The following MOXD1 variants were observed in gnomAD, a reference collection of about 807,000 sequenced individuals.
MOXD1 encodes monooxygenase DBH like 1, also known as DBH-like monooxygenase protein 1.
A neutral mutation model predicts 66.6 loss-of-function variants in MOXD1; 62 were observed. The ratio of observed to expected loss-of-function variants is 0.93; its 90% CI spans 0.76 to 1.15. MOXD1 has a LOEUF of 1.15. Ranked by LOEUF, MOXD1 falls within the 50% of genes most tolerant of loss-of-function variation. The probability of loss-of-function intolerance (pLI) is 0.00; values close to 1 mark genes in which losing one functional copy is unlikely to be tolerated. For missense variants in MOXD1, 847 were observed against 754.6 expected (o/e 1.12, Z -1.44); for synonymous variants, 303 against 281.9 (o/e 1.07, Z -0.75).
At chr6:132,311,366 T>C (rs1046758177) in intron 10 of MOXD1, among the ~76,000 whole-genome samples, 32 of 152,014 alleles carry the variant, frequency 2.1e-4, no homozygotes, top group African/African-American at 7.5e-4. Context: ...CTGGGAATTA[T>C]AGTTTCATAA....
chr6:132,396,615 C>T (rs1482085715), intron 1 of MOXD1, among the ~76,000 whole-genome samples: 5 of 151,524 alleles, frequency 3.3e-5, no homozygotes, highest in Admixed American at 3.3e-4. Flanking sequence ...GATTAACAAA[C>T]TTGATAAACA....
chr6:132,399,593 T>C (rs1562304004), intron 1 of MOXD1, among the ~76,000 whole-genome samples: 1 of 152,256 alleles, frequency 6.6e-6, no homozygotes, highest in East Asian at 1.9e-4. Flanking sequence ...GCTTTTCATT[T>C]GACATACAAT....
chr6:132,303,858 T>C (rs13195363), intron 10 of MOXD1, among the ~76,000 whole-genome samples: 1 of 73,272 alleles, frequency 1.4e-5, no homozygotes. Context: ...TATATATATA[T>C]ATATATATAT....
rs754541102 is a variant in MOXD1, at chr6:132,297,118, C to A, written c.*35G>T. 6.2e-7 allele frequency: 1 copy of A among 1,604,038 alleles called. No individual in the cohort carries two copies. Among genetic ancestry groups the A allele is most frequent in the Non-Finnish European group, 8.5e-7 (1 of 1,172,894 alleles). ...TGTACTTCAAATGACAGGTTCAGAT[C>A]ATAGAAAACATTGTCAAGTCCAACA... is the stretch of plus-strand genomic sequence containing the variant. On this transcript the variant is annotated 3_prime_UTR_variant, in exon 12 of 12. Coordinates refer to ENST00000367963, the MANE Select transcript of MOXD1 (RefSeq NM_015529.4).
At chr6:132,312,059 A>G (rs1293821042) in intron 10 of MOXD1, among the ~76,000 whole-genome samples, 2 of 152,096 alleles carry the variant, frequency 1.3e-5, no homozygotes, top group African/African-American at 4.8e-5. Flanking sequence ...ATGGTACAAC[A>G]GGGAATACAC....
intron 10 of MOXD1, among the ~76,000 whole-genome samples, chr6:132,306,164 T>C (rs187472969): frequency 6.6e-6 from 1 of 152,150 alleles, no homozygotes; most frequent in East Asian, 1.9e-4. Context: ...TAGAGAGGAA[T>C]ATTAATGACT....
chr6:132,328,647 C>T (rs1457389264), intron 4 of MOXD1, 53 bp from the exon 5 acceptor site: 2 of 1,502,976 alleles, frequency 1.3e-6, no homozygotes, highest in African/African-American at 1.4e-5. Flanking sequence ...CACCCTACAA[C>T]ATCCCACAAC....
intron 8 of MOXD1, 74 bp from the exon 9 acceptor site, chr6:132,320,762 A>G: frequency 8.0e-7 from 1 of 1,257,488 alleles, no homozygotes; most frequent in Non-Finnish European, 1.1e-6. Flanking sequence ...TTGTACGTCA[A>G]CAGTTAATAT....
At chr6:132,385,778 C>T (rs911155577) in intron 1 of MOXD1, among the ~76,000 whole-genome samples, 7 of 151,974 alleles carry the variant, frequency 4.6e-5, no homozygotes, top group African/African-American at 1.7e-4. Context: ...AGGCGTGAGC[C>T]ACTGAGCCCA....
intron 4 of MOXD1, among the ~76,000 whole-genome samples, chr6:132,335,407 G>C (rs999485276): frequency 1.3e-5 from 2 of 152,270 alleles, no homozygotes; most frequent in Admixed American, 6.5e-5. Context: ...TTGGTTGAGA[G>C]GAGATCATAC....
At chr6:132,388,500 T>G (rs916208769) in intron 1 of MOXD1, among the ~76,000 whole-genome samples, 2 of 151,402 alleles carry the variant, frequency 1.3e-5, no homozygotes, top group Admixed American at 1.3e-4. Flanking sequence ...AGTCATCAAC[T>G]TGCAAATGTT....
At chr6:132,334,265 A>G (rs1030653708) in intron 4 of MOXD1, among the ~76,000 whole-genome samples, 1 of 152,202 alleles carries the variant, frequency 6.6e-6, no homozygotes, top group African/African-American at 2.4e-5. Context: ...TATCTCCACT[A>G]TACTGCATCC....
chr6:132,326,453 C>T (rs1170768611), intron 6 of MOXD1, among the ~76,000 whole-genome samples: 2 of 151,794 alleles, frequency 1.3e-5, no homozygotes, highest in African/African-American at 4.8e-5. Flanking sequence ...AAGTAGTTCA[C>T]ATAGAATTTC....
chr6:132,302,301 C>T (rs1356791135), intron 10 of MOXD1, among the ~76,000 whole-genome samples: 1 of 152,030 alleles, frequency 6.6e-6, no homozygotes, highest in African/African-American at 2.4e-5. Flanking sequence ...TAAAAACAAC[C>T]TAGTACTAAT....
rs149430256 is a variant in MOXD1 at position 132,383,636 on chromosome 6, T to A, written c.265-8859A>T. 4.2e-3 allele frequency among the ~76,000 whole-genome samples: 643 copies of A among 152,314 alleles called. 6 individuals carry two copies. The highest frequency in any genetic ancestry group is 0.015 in the African/African-American group (609 of 41,580). On this transcript the variant is annotated intron_variant, in intron 1 of 11. Transcript: ENST00000367963. ...ATACCTTGCTATAATTATAGAATCATGAAAGATACAGCATAAAATCAAAAT... is the reference window on the plus strand; with the variant it reads ...ATACCTTGCTATAATTATAGAATCAAGAAAGATACAGCATAAAATCAAAAT...
Position 132,322,840 on chromosome 6 carries a change from G to A in MOXD1, c.1144C>T (p.His382Tyr). 1 of 1,613,670 alleles carries A rather than the reference G, an allele frequency of 6.2e-7. No homozygotes were observed. The highest frequency in any genetic ancestry group is 1.1e-5 in the South Asian group (1 of 90,968). ...ALEAEKPSGIHVFAVLLHAHL... is the reference protein window; with the variant it reads ...ALEAEKPSGIYVFAVLLHAHL... ...GCATGGAGAAGAACAGCAAACACAT[G>A]AATTCCACTTGGCTTTTCGGCTTCC... The change falls in exon 8 of 12, where the codon CAT (histidine) becomes TAT (tyrosine). Residue 382 changes from histidine (H) to tyrosine (Y), a missense_variant. By Grantham distance (83) the His-to-Tyr change is moderately conservative (BLOSUM62 2). Coordinates refer to ENST00000367963, the MANE Select transcript of MOXD1 (RefSeq NM_015529.4).
rs751394746 is a variant in MOXD1 at position 132,297,113 on chromosome 6, C to G, written c.*40G>C. 6.3e-7 allele frequency: 1 copy of G among 1,599,526 alleles called. No individual in the cohort carries two copies. The highest frequency in any genetic ancestry group is 1.7e-5 in the Admixed American group (1 of 59,484). On this transcript the variant is annotated 3_prime_UTR_variant, in exon 12 of 12. Transcript: ENST00000367963. ...TAACCTGTACTTCAAATGACAGGTT[C>G]AGATCATAGAAAACATTGTCAAGTC...
rs755895592 is a variant in MOXD1 at position 132,374,998 on chromosome 6, T to C, written c.265-221A>G. ...GAAAGCATAGTGTAGACTGATAATA[T>C]CGTAGAGCATCAAGAGATGGAATGA... On this transcript the variant is annotated intron_variant, in intron 1 of 11. Transcript: ENST00000367963. 5.1e-6 allele frequency: 3 copies of C among 582,844 alleles called. No homozygotes were observed. The Admixed American group carries it at 9.5e-5, about 18-fold the overall frequency. 36.1% of individuals were successfully genotyped at this position (582,844 alleles called of 1,614,324 possible).
At chr6:132,336,668 G>A (rs1191839692) in intron 4 of MOXD1, among the ~76,000 whole-genome samples, 1 of 152,078 alleles carries the variant, frequency 6.6e-6, no homozygotes, top group Non-Finnish European at 1.5e-5. Context: ...ACAGTCAAGG[G>A]GCCACAGCAT....
Sources: gnomAD v4.1 joint callset for allele counts (sites outside exome capture counted in the v4.1 genomes callset) on GRCh38, gnomAD v4.1.1 for gene constraint, MANE v1.5 for transcripts, NCBI Gene and HGNC (gene_info 2026-07-23, HGNC 2026-07-21) for gene names.